The following TAAR2 variants were observed in gnomAD, a reference collection of about 807,000 sequenced individuals.
TAAR2 encodes trace amine-associated receptor 2.
Under a neutral mutation model 25.5 loss-of-function variants are expected in TAAR2, and 30 were observed. That is an observed-to-expected ratio of 1.18 (90% CI 0.88 to 1.60). TAAR2 has a LOEUF of 1.60. Among genes scored for constraint, TAAR2 ranks in the 40% most tolerant of loss-of-function variants. TAAR2 has a pLI of 0.00. For missense variants in TAAR2, 481 were observed against 416.5 expected, an observed-to-expected ratio of 1.15 and a Z score of -1.35; for synonymous variants, 150 against 142.4, an observed-to-expected ratio of 1.05 and a Z score of -0.38.
At chr6:132,618,941 T>TTTCTTCTTTATTA (rs1777337845) in intron 1 of TAAR2, among the ~76,000 whole-genome samples, 2 of 152,202 alleles carry the variant, frequency 1.3e-5, no homozygotes, top group African/African-American at 4.8e-5. Context: ...TGCTGTGTTT[T>TTTCTTCTTTATTA]GTTTTATTCA....
In TAAR2 at chr6:132,618,110, A is replaced by G. The variant is rs540759615; in HGVS notation, c.96T>C (p.Ser32=). Residue 32 remains serine (S), a synonymous_variant, in exon 2 of 2, where the codon TCT becomes TCC. Coordinates refer to ENST00000367931, the MANE Select transcript of TAAR2 (RefSeq NM_001033080.1). The stretch of plus-strand genomic sequence containing the variant: ...CCAGAGATCTTTCATTTTCTGGGCA[A>G]GATCTATTTCCATATTCAGAGCAAT... The part of the protein sequence containing the change: ...KFNCSEYGNR[S]CPENERSLGV... 13 of 1,610,652 alleles carry G rather than the reference A, an allele frequency of 8.1e-6. No homozygotes were observed. The African/African-American group carries it at 1.7e-4, about 21-fold the overall frequency.
chr6:132,620,737 G>A (rs1777360265), intron 1 of TAAR2, among the ~76,000 whole-genome samples: 1 of 151,940 alleles, frequency 6.6e-6, no homozygotes, highest in South Asian at 2.1e-4. Context: ...ACACGAGTTT[G>A]CGTATGTAAC....
rs754484066 is a variant in TAAR2, at chr6:132,617,406, A to G, written c.800T>C (p.Val267Ala). The G allele has an allele frequency of 2.7e-5, 43 of 1,613,624 alleles. No homozygotes were observed. Among genetic ancestry groups the G allele is most frequent in the Non-Finnish European group, 3.5e-5 (41 of 1,179,928 alleles). Residue 267 changes from valine (V) to alanine (A), a missense_variant, in exon 2 of 2, where the codon GTG becomes GCG. Coordinates refer to ENST00000367931, the MANE Select transcript of TAAR2 (RefSeq NM_001033080.1). ...DKKAAKTLGI[V>A]IGVFLLCWFP... ...CCAACATAATAAGAAAACTCCTATC[A>G]CTATTCCTAAAGTTTTGGCAGCTTT...
intron 1 of TAAR2, 105 bp downstream of exon 1, chr6:132,624,111 G>T (rs1046068516): frequency 1.1e-5 from 12 of 1,081,920 alleles, no homozygotes; most frequent in Non-Finnish European, 1.5e-5. Context: ...TTTAGATCTG[G>T]AGGAATTGAG....
chr6:132,624,184 G>C (rs377414447), intron 1 of TAAR2, 32 bp downstream of exon 1: 397 of 1,600,404 alleles, frequency 2.5e-4, no homozygotes, highest in Non-Finnish European at 3.2e-4. Context: ...GATGCTACTG[G>C]TTTAAACTTA....
At chr6:132,623,625 T>C (rs1777403982) in intron 1 of TAAR2, among the ~76,000 whole-genome samples, 1 of 151,194 alleles carries the variant, frequency 6.6e-6, no homozygotes, top group Non-Finnish European at 1.5e-5. Context: ...AATGTGTATA[T>C]GGAACCAGAA....
chr6:132,619,839 A>G (rs1221977722), intron 1 of TAAR2, among the ~76,000 whole-genome samples: 2 of 152,194 alleles, frequency 1.3e-5, no homozygotes, highest in Non-Finnish European at 2.9e-5. Context: ...TCAATGGGTG[A>G]GTAGGATTTG....
intron 1 of TAAR2, among the ~76,000 whole-genome samples, chr6:132,620,313 T>A (rs989922342): frequency 2.0e-5 from 3 of 152,224 alleles, no homozygotes; most frequent in Admixed American, 6.5e-5. Context: ...CATCTTTATA[T>A]CTGCCACCTG....
chr6:132,618,838 A>C (rs1777336869), intron 1 of TAAR2, among the ~76,000 whole-genome samples: 1 of 152,194 alleles, frequency 6.6e-6, no homozygotes, highest in Non-Finnish European at 1.5e-5. Context: ...GAAATATATA[A>C]TCAGATTTGA....
At position 132,624,067 on chromosome 6, in the gene TAAR2, A is replaced by G. The variant is rs897662112; in HGVS notation, c.60+149T>C. 3 of 765,236 alleles carry G rather than the reference A, an allele frequency of 3.9e-6. No homozygotes were observed. In the African/African-American group the frequency reaches 5.3e-5, roughly 14 times the overall value. 47.4% of individuals were successfully genotyped at this position (765,236 alleles called of 1,614,324 possible). On this transcript the variant is annotated intron_variant, in intron 1 of 1. Coordinates refer to ENST00000367931, the MANE Select transcript of TAAR2 (RefSeq NM_001033080.1). ...TTGTCTTCCTCATTTTTTCTTTGAT[A>G]AATGTGATTAAAAGAACACATTTCA...
At chr6:132,620,158 T>C (rs1254671595) in intron 1 of TAAR2, among the ~76,000 whole-genome samples, 1 of 152,224 alleles carries the variant, frequency 6.6e-6, no homozygotes, top group Admixed American at 6.5e-5. Flanking sequence ...AGATTTGAAA[T>C]TAAAAGCTTC....
At chr6:132,623,469 C>G (rs1001028470) in intron 1 of TAAR2, among the ~76,000 whole-genome samples, 1 of 152,158 alleles carries the variant, frequency 6.6e-6, no homozygotes, top group South Asian at 2.1e-4. Context: ...ATCAGGATGG[C>G]AATTTACTTC....
At chr6:132,622,677 G>C (rs946592688) in intron 1 of TAAR2, among the ~76,000 whole-genome samples, 12 of 151,486 alleles carry the variant, frequency 7.9e-5, no homozygotes, top group Admixed American at 4.0e-4. Flanking sequence ...GTAGAGACAC[G>C]GTTTCACTGT....
At chr6:132,618,259 A>G (rs1777328051) in intron 1 of TAAR2, 114 bp from the exon 2 acceptor site, 1 of 944,300 alleles carries the variant, frequency 1.1e-6, no homozygotes, top group African/African-American at 1.7e-5. Context: ...AAGATAATTT[A>G]TGCTGTAATA....
intron 1 of TAAR2, among the ~76,000 whole-genome samples, chr6:132,621,579 C>T (rs11968252): frequency 0.16 from 24,020 of 148,872 alleles, 2,478 homozygotes; most frequent in Middle Eastern, 0.3. Context: ...TCTTTGTGTT[C>T]CTGGCTTAAT....
In TAAR2 at chr6:132,617,273, A is replaced by T; in HGVS notation, c.933T>A (p.Asn311Lys). The T allele has an allele frequency of 1.2e-6, 2 of 1,613,838 alleles. No homozygotes were observed. Among genetic ancestry groups the T allele is most frequent in the Non-Finnish European group, 1.7e-6 (2 of 1,179,918 alleles). Residue 311 changes from asparagine (N) to lysine (K), a missense_variant, in exon 2 of 2, where the codon AAT becomes AAA. By Grantham distance (94) the Asn-to-Lys change is moderately conservative. Coordinates refer to ENST00000367931, the MANE Select transcript of TAAR2 (RefSeq NM_001033080.1). ...GATAGAAGAAACCATATATTAACGG[A>T]TTACATGTGGAGTTAAAATAGCCAA... ...TWFGYFNSTC[N>K]PLIYGFFYPW... is the part of the protein sequence containing the mutation.
chr6:132,618,912 T>C (rs900840572), intron 1 of TAAR2, among the ~76,000 whole-genome samples: 1 of 152,224 alleles, frequency 6.6e-6, no homozygotes, highest in East Asian at 1.9e-4. Flanking sequence ...TTCATTCTTG[T>C]GTTCTATTAT....
rs1237920142 is a variant in TAAR2, at chr6:132,617,530, C to T, written c.676G>A (p.Val226Met). The change falls in exon 2 of 2, where the codon GTG becomes ATG. Residue 226 changes from valine to methionine, a missense_variant. Transcript: ENST00000367931. ...GCAAAAATTTTGCCATAAATCCCCA[C>T]CATCATAGACCCAGGAGTGAAGAAA... Reference protein sequence around the residue: ...AGFFTPGSMMVGIYGKIFAVS... With the variant: ...AGFFTPGSMMMGIYGKIFAVS... 1 of 1,614,008 alleles carries T rather than the reference C, an allele frequency of 6.2e-7. No individual in the cohort carries two copies. The highest frequency in any genetic ancestry group is 2.2e-5 in the East Asian group (1 of 44,818).
chr6:132,619,717 C>A (rs535929819), intron 1 of TAAR2, among the ~76,000 whole-genome samples: 1 of 152,216 alleles, frequency 6.6e-6, no homozygotes, highest in South Asian at 2.1e-4. Flanking sequence ...GATCACCTGA[C>A]CAAAAAGAGA....
Sources: gnomAD v4.1 joint callset for allele counts (sites outside exome capture counted in the v4.1 genomes callset) on GRCh38, gnomAD v4.1.1 for gene constraint, MANE v1.5 for transcripts, NCBI Gene and HGNC (gene_info 2026-07-23, HGNC 2026-07-21) for gene names.